Variants in CNTN5 observed in about 807,000 individuals in gnomAD.
CNTN5 encodes the protein contactin-5.
In CNTN5, 77 loss-of-function variants were observed where a neutral mutation model predicts 129.1. That is an observed-to-expected ratio of 0.60 (90% CI 0.50 to 0.72). CNTN5 has a LOEUF of 0.72. Ranked by LOEUF, CNTN5 falls within the 30% of genes least tolerant of loss-of-function variation. The probability of loss-of-function intolerance (pLI) is 0.00; values close to 1 mark genes in which losing one functional copy is unlikely to be tolerated. For missense variants in CNTN5, 1,478 were observed against 1,328.8 expected, an observed-to-expected ratio of 1.11 and a Z score of -1.75; for synonymous variants, 509 against 465.6, an observed-to-expected ratio of 1.09 and a Z score of -1.20.
chr11:99,837,076 C>T (rs1210550273), intron 4 of CNTN5, among the ~76,000 whole-genome samples: 6 of 152,084 alleles, frequency 3.9e-5, no homozygotes, highest in African/African-American at 1.2e-4. Context: ...GTGCTTACCT[C>T]CTGTCTTATT....
intron 3 of CNTN5, among the ~76,000 whole-genome samples, chr11:99,635,612 G>A (rs1021257455): frequency 6.6e-6 from 1 of 152,000 alleles, no homozygotes. Flanking sequence ...TTGAATCCCA[G>A]GGATGTGGTG....
intron 3 of CNTN5, among the ~76,000 whole-genome samples, chr11:99,817,097 G>T (rs1401381914): frequency 1.3e-5 from 2 of 152,140 alleles, no homozygotes; most frequent in East Asian, 3.9e-4. Flanking sequence ...TACTAACATT[G>T]TATGAATACT....
chr11:99,907,968 T>C (rs1949553420), intron 6 of CNTN5, among the ~76,000 whole-genome samples: 1 of 152,082 alleles, frequency 6.6e-6, no homozygotes, highest in South Asian at 2.1e-4. Context: ...AGTTCGAAAT[T>C]ATAGGTAATA....
At chr11:99,413,489 G>A (rs527412953) in intron 2 of CNTN5, among the ~76,000 whole-genome samples, 36 of 151,914 alleles carry the variant, frequency 2.4e-4, no homozygotes, top group African/African-American at 7.7e-4. Flanking sequence ...TGTGGTGGTG[G>A]GCACCTGTAA....
intron 2 of CNTN5, among the ~76,000 whole-genome samples, chr11:99,436,443 A>G (rs976525908): frequency 1.3e-5 from 2 of 152,088 alleles, no homozygotes; most frequent in Non-Finnish European, 2.9e-5. Flanking sequence ...GCTTCCTTAC[A>G]TCTTTCACAG....
intron 8 of CNTN5, among the ~76,000 whole-genome samples, chr11:99,988,773 T>C (rs1349416152): frequency 6.6e-6 from 1 of 152,162 alleles, no homozygotes; most frequent in Non-Finnish European, 1.5e-5. Context: ...ATGTAGCTTT[T>C]CCACTCTTCA....
At chr11:99,657,114 A>T (rs1952402283) in intron 3 of CNTN5, among the ~76,000 whole-genome samples, 1 of 152,018 alleles carries the variant, frequency 6.6e-6, no homozygotes, top group Admixed American at 6.6e-5. Flanking sequence ...AGATAGCTTA[A>T]TGAAAAAATC....
intron 1 of CNTN5, among the ~76,000 whole-genome samples, chr11:99,278,949 T>C (rs1036613542): frequency 3.3e-5 from 5 of 151,732 alleles, no homozygotes; most frequent in African/African-American, 4.8e-5. Flanking sequence ...ATTCCATTCC[T>C]AAACTTGCCT....
intron 18 of CNTN5, among the ~76,000 whole-genome samples, chr11:100,296,213 T>G (rs1951096672): frequency 6.6e-6 from 1 of 151,552 alleles, no homozygotes; most frequent in Non-Finnish European, 1.5e-5. Flanking sequence ...GACATGGTTA[T>G]AAGGCATACT....
intron 2 of CNTN5, among the ~76,000 whole-genome samples, chr11:99,340,254 T>C (rs932205684): frequency 2.0e-5 from 3 of 152,088 alleles, no homozygotes; most frequent in African/African-American, 7.2e-5. Context: ...GTATTTGATA[T>C]ACTAGCAAAG....
intron 1 of CNTN5, among the ~76,000 whole-genome samples, chr11:99,071,935 C>A (rs1470274681): frequency 1.4e-5 from 2 of 142,832 alleles, no homozygotes; most frequent in African/African-American, 2.6e-5. Flanking sequence ...TTAAGCTATT[C>A]ACTGGTGAAT....
intron 15 of CNTN5, among the ~76,000 whole-genome samples, chr11:100,216,884 G>C (rs886540816): frequency 1.3e-5 from 2 of 152,068 alleles, no homozygotes; most frequent in African/African-American, 4.8e-5. Flanking sequence ...AGCAAAACAA[G>C]GAGGGGTTTC....
chr11:99,819,840 A>G, intron 4 of CNTN5, 75 bp downstream of exon 4: 1 of 464,480 alleles, frequency 2.2e-6, no homozygotes. Context: ...GTTGCAACAG[A>G]GATCAAGACT....
chr11:99,280,056 G>T (rs940956360), intron 1 of CNTN5, among the ~76,000 whole-genome samples: 3 of 151,550 alleles, frequency 2.0e-5, no homozygotes, highest in Non-Finnish European at 4.4e-5. Flanking sequence ...AATTATAAGA[G>T]AAATAGTTTA....
chr11:100,306,531 A>G (rs1951353566), intron 20 of CNTN5, among the ~76,000 whole-genome samples: 1 of 151,722 alleles, frequency 6.6e-6, no homozygotes. Flanking sequence ...TCTGAAGAGA[A>G]GTAAAACTGC....
Position 99,778,764 on chromosome 11 carries a change from G to A in CNTN5, c.56-40780G>A, listed in dbSNP as rs139663629. The stretch of plus-strand genomic sequence containing the variant: ...TATTATCATCACTATGATTATTTTG[G>A]TAAGAAATAAAAAGTGAGTTCAAAA... On this transcript the variant is annotated intron_variant, in intron 3 of 24. Transcript: ENST00000524871. Among the ~76,000 whole-genome samples, 553 of 151,784 alleles carry A rather than the reference G, an allele frequency of 3.6e-3. 5 individuals are homozygous for A. The highest frequency in any genetic ancestry group is 5.1e-3 in the Non-Finnish European group (344 of 67,824).
At position 100,070,407 on chromosome 11, in the gene CNTN5, TGCTTACATACTTACA is replaced by T; in HGVS notation, c.1163-14_1163del. The T allele has an allele frequency of 6.2e-7, 1 of 1,601,866 alleles. No homozygotes were observed. The highest frequency in any genetic ancestry group is 8.5e-7 in the Non-Finnish European group (1 of 1,172,490). On this transcript the variant is annotated splice_acceptor_variant and splice_polypyrimidine_tract_variant and intron_variant, in intron 10 of 24. Coordinates refer to ENST00000524871, the MANE Select transcript of CNTN5 (RefSeq NM_014361.4). LOFTEE classifies it high-confidence loss of function. The stretch of plus-strand genomic sequence containing the variant: ...GAGAAATGAAATCATCCTTGTTTAC[TGCTTACATACTTACA>T]GCCTACCCACACTGGGTAGAAAAAC...
chr11:100,020,493 C>G (rs1320768995), intron 9 of CNTN5, among the ~76,000 whole-genome samples: 1 of 152,026 alleles, frequency 6.6e-6, no homozygotes, highest in Non-Finnish European at 1.5e-5. Context: ...GCCTATATGT[C>G]TGTTTCTGTG....
intron 3 of CNTN5, among the ~76,000 whole-genome samples, chr11:99,568,607 C>A (rs1842788226): frequency 6.6e-6 from 1 of 152,146 alleles, no homozygotes; most frequent in African/African-American, 2.4e-5. Context: ...ATTGAGCACT[C>A]AAGCAAGCAG....
Sources: gnomAD v4.1 joint callset for allele counts (sites outside exome capture counted in the v4.1 genomes callset) on GRCh38, gnomAD v4.1.1 for gene constraint, MANE v1.5 for transcripts, NCBI Gene and HGNC (gene_info 2026-07-23, HGNC 2026-07-21) for gene names.